Variants in CERS1 observed in about 807,000 individuals in gnomAD.
CERS1 encodes ceramide synthase 1.
A neutral mutation model predicts 35.7 loss-of-function variants in CERS1; 16 were observed. That is an observed-to-expected ratio of 0.45 (90% CI 0.30 to 0.68). The LOEUF (loss-of-function observed/expected upper bound fraction) is 0.68. Ranked by LOEUF, CERS1 falls within the 30% of genes least tolerant of loss-of-function variation. CERS1 has a pLI of 0.08. For synonymous variants in CERS1, 243 were observed against 201.6 expected, an observed-to-expected ratio of 1.21 and a Z score of -1.74; for missense variants, 454 against 453.9, an observed-to-expected ratio of 1.00 and a Z score of 0.00.
In CERS1 at chr19:18,870,168, T is replaced by C; in HGVS notation, c.*409A>G. 1 of 1,561,916 alleles carries C rather than the reference T, an allele frequency of 6.4e-7. No individual in the cohort carries two copies. ...GAGCCTGGGGGCACCCTGGGGCTCA[T>C]CGCGCAGTCCTAGAGCCTGGAGCAG... is the stretch of plus-strand genomic sequence containing the variant. On this transcript the variant is annotated 3_prime_UTR_variant, in exon 7 of 8. Coordinates refer to ENST00000623882, the MANE Select transcript of CERS1 (RefSeq NM_021267.5). The surrounding 1 kb of genome is among the most constrained non-coding windows in gnomAD (Gnocchi z 5.1).
At chr19:18,892,965 G>A (rs1055849254) in intron 2 of CERS1, among the ~76,000 whole-genome samples, 13 of 152,110 alleles carry the variant, frequency 8.5e-5, no homozygotes, top group African/African-American at 2.2e-4. Flanking sequence ...TGCCCAGGCT[G>A]GAGTGCAGTG....
intron 6 of CERS1, among the ~76,000 whole-genome samples, chr19:18,873,656 T>C (rs945388292): frequency 6.6e-6 from 1 of 151,500 alleles, no homozygotes; most frequent in Non-Finnish European, 1.5e-5. Context: ...TGGGCCAACA[T>C]TGTGAAACCT....
chr19:18,890,447 A>G (rs1019588963), intron 2 of CERS1, among the ~76,000 whole-genome samples: 1 of 152,236 alleles, frequency 6.6e-6, no homozygotes, highest in African/African-American at 2.4e-5. Context: ...ATAAATAGAC[A>G]TGGAAATAAT....
chr19:18,877,599 A>G lies in CERS1; in HGVS notation c.1010+1331T>C, dbSNP rs2056081978. Among the ~76,000 whole-genome samples, 3 of 151,986 alleles carry G rather than the reference A, an allele frequency of 2.0e-5. No homozygotes were observed. In the South Asian group the frequency reaches 6.2e-4, roughly 31 times the overall value. ...AAACCCCAGCTCTACAAAAAATACA[A>G]AAGTTAGCACAGCATGGTGGTGCAT... On this transcript the variant is annotated intron_variant, in intron 6 of 7. Transcript: ENST00000623882.
chr19:18,876,536 TTGTGTGTGTGTG>T (rs60266196), intron 6 of CERS1, among the ~76,000 whole-genome samples: 3 of 143,270 alleles, frequency 2.1e-5, no homozygotes, highest in East Asian at 2.1e-4. Context: ...TTTGATTGGG[TTGTGTGTGTGTG>T]TGTGTGTGTG....
In CERS1 at chr19:18,868,568, G is replaced by A. The variant is rs2055894744; in HGVS notation, c.*1417C>T. The A allele has an allele frequency of 2.7e-6, 4 of 1,506,840 alleles. No homozygotes were observed. Among genetic ancestry groups the A allele is most frequent in the East Asian group, 2.5e-5 (1 of 40,504 alleles). 93.3% of individuals were successfully genotyped at this position (1,506,840 alleles called of 1,614,324 possible). ...CGGAGCAGACCACGCGGCATTTATT[G>A]TTGGGCCCGCGTCCCTGCCCGCCCC... On this transcript the variant is annotated 3_prime_UTR_variant, in exon 8 of 8. Transcript: ENST00000623882.
intron 3 of CERS1, chr19:18,881,574 CATCT>C (rs1382957136): frequency 2.6e-5 from 4 of 152,198 alleles, no homozygotes; most frequent in Non-Finnish European, 4.4e-5. Flanking sequence ...ACAGAGTCTC[CATCT>C]GACAGATGAG....
Position 18,869,321 on chromosome 19 carries a change from T to G in CERS1, c.*664A>C. 6.6e-7 allele frequency: 1 copy of G among 1,524,222 alleles called. No homozygotes were observed. The highest frequency in any genetic ancestry group is 1.2e-5 in the South Asian group (1 of 83,608). 94.4% of individuals were successfully genotyped at this position (1,524,222 alleles called of 1,614,324 possible). A position where few individuals can be genotyped will look rare whatever the true frequency, so the allele number is the denominator to read the frequency against. On this transcript the variant is annotated 3_prime_UTR_variant, in exon 8 of 8. Coordinates refer to ENST00000623882, the MANE Select transcript of CERS1 (RefSeq NM_021267.5). ...CTCAGCGGGTTCCACAGCCGACAGG[T>G]CGAAGACGACTGTCCACTCAGGGCA...
At chr19:18,891,498 A>G (rs1356191332) in intron 2 of CERS1, among the ~76,000 whole-genome samples, 1 of 151,774 alleles carries the variant, frequency 6.6e-6, no homozygotes. Context: ...CGCTGCAGTC[A>G]CCTCCCTGCC....
At position 18,878,440 on chromosome 19, in the gene CERS1, G is replaced by A. The variant is rs561149924; in HGVS notation, c.1010+490C>T. On this transcript the variant is annotated intron_variant, in intron 6 of 7. Transcript: ENST00000623882. The surrounding 1 kb of genome is among the most constrained non-coding windows in gnomAD (Gnocchi z 4.6). ...TCCCAGCCCCAGCTCCTGTTTGGCC[G>A]GGCAGTGGGCTCCCCTGTCAAACTC... 2.4e-5 allele frequency: 24 copies of A among 989,444 alleles called. No homozygotes were observed. Among genetic ancestry groups the A allele is most frequent in the African/African-American group, 1.4e-4 (8 of 57,358 alleles). The allele number at this position is 989,444 out of a possible 1,614,324, so 61.3% of individuals were successfully genotyped here.
chr19:18,879,059 G>A lies in CERS1; in HGVS notation c.901-20C>T, dbSNP rs773625132. Reference sequence around the variant, plus strand: ...GATGTACTGCGAGAGGGGAGGGGAGGTGCCAGTGAGAAGAAAGCCCCCACG... The same window carrying A: ...GATGTACTGCGAGAGGGGAGGGGAGATGCCAGTGAGAAGAAAGCCCCCACG... On this transcript the variant is annotated intron_variant, in intron 5 of 7. Transcript: ENST00000623882. 7 of 1,611,496 alleles carry A rather than the reference G, an allele frequency of 4.3e-6. No homozygotes were observed. The highest frequency in any genetic ancestry group is 5.9e-6 in the Non-Finnish European group (7 of 1,179,324).
At chr19:18,880,523 T>C in intron 3 of CERS1, 88 bp from the exon 4 acceptor site, 1 of 1,337,588 alleles carries the variant, frequency 7.5e-7, no homozygotes, top group Non-Finnish European at 1.0e-6. Context: ...GTCCCTGGGC[T>C]ACACCTCAGG....
chr19:18,870,378 G>C lies in CERS1; in HGVS notation c.*199C>G. 1 of 1,523,826 alleles carries C rather than the reference G, an allele frequency of 6.6e-7. No individual in the cohort carries two copies. The highest frequency in any genetic ancestry group is 8.8e-7 in the Non-Finnish European group (1 of 1,132,768). 94.4% of individuals were successfully genotyped at this position (1,523,826 alleles called of 1,614,324 possible). On this transcript the variant is annotated 3_prime_UTR_variant, in exon 7 of 8. Transcript: ENST00000623882. The surrounding 1 kb of genome is among the most constrained non-coding windows in gnomAD (Gnocchi z 5.1). Reference sequence around the variant, plus strand: ...CCCGGGACCAGTGGGCTGAGGGCGGGGCCGGTGTCCCCGGAGGGGCAGGGG... The same window carrying C: ...CCCGGGACCAGTGGGCTGAGGGCGGCGCCGGTGTCCCCGGAGGGGCAGGGG...
chr19:18,874,328 G>C (rs1480794416), intron 6 of CERS1, among the ~76,000 whole-genome samples: 2 of 152,198 alleles, frequency 1.3e-5, no homozygotes, highest in East Asian at 3.9e-4. Context: ...TTTTGAGACA[G>C]GGTCTTGCTC....
In CERS1 at chr19:18,893,010, A is replaced by G. The variant is rs893435634; in HGVS notation, c.409+406T>C. ...CGGCTCACTGCAACCTCTGCCTCCC[A>G]GGTTCAAGCGATTCTCCTGCCTCAG... On this transcript the variant is annotated intron_variant, in intron 2 of 7. Transcript: ENST00000623882. 4.0e-4 allele frequency among the ~76,000 whole-genome samples: 59 copies of G among 148,430 alleles called. 1 individual carries two copies. The highest frequency in any genetic ancestry group is 3.4e-4 in the Non-Finnish European group (23 of 67,022).
chr19:18,869,593 G>A (rs946679234), intron 7 of CERS1, among the ~76,000 whole-genome samples: 1 of 151,192 alleles, frequency 6.6e-6, no homozygotes, highest in Non-Finnish European at 1.5e-5. Context: ...CGGCGGGGGG[G>A]GTGGGCTGCC....
rs2056598468 is a variant in CERS1 at position 18,895,319 on chromosome 19, G to A, written c.249+505C>T. 6.6e-6 allele frequency among the ~76,000 whole-genome samples: 1 copy of A among 152,208 alleles called. No individual in the cohort carries two copies. Among genetic ancestry groups the A allele is most frequent in the Admixed American group, 6.5e-5 (1 of 15,286 alleles). On this transcript the variant is annotated intron_variant, in intron 1 of 7. Coordinates refer to ENST00000623882, the MANE Select transcript of CERS1 (RefSeq NM_021267.5). This position sits in a 1 kb window ranked among gnomAD's most constrained non-coding sequence, Gnocchi z 6.4. Reference sequence around the variant, plus strand: ...AAAACGGGCAGCGGACCTCGCTCCGGGCCGGGGCGCAGCCCGCATGGCAGG... The same window carrying A: ...AAAACGGGCAGCGGACCTCGCTCCGAGCCGGGGCGCAGCCCGCATGGCAGG...
rs764610749 is a variant in CERS1, at chr19:18,879,373, G to C, written c.768C>G (p.Leu256=). 6.4e-7 allele frequency: 1 copy of C among 1,572,220 alleles called. No homozygotes were observed. The highest frequency in any genetic ancestry group is 1.2e-5 in the South Asian group (1 of 85,764). ...ACAGGACCTTGAGCGGGAACCAGTA[G>C]AGGCGGAACCAGAACCTGCGGTGGG... ...SFGFSWFWFR[L]YWFPLKVLYA... Residue 256 remains leucine (L), a synonymous_variant, in exon 5 of 8, where the codon CTC becomes CTG. Coordinates refer to ENST00000623882, the MANE Select transcript of CERS1 (RefSeq NM_021267.5).
chr19:18,870,078 C>T lies in CERS1; in HGVS notation c.*499G>A. 1 of 1,582,242 alleles carries T rather than the reference C, an allele frequency of 6.3e-7. No individual in the cohort carries two copies. The highest frequency in any genetic ancestry group is 8.6e-7 in the Non-Finnish European group (1 of 1,168,874). ...GACCCCTGGGGACGTCCGCCGCGAG[C>T]CAGACCTGGTCTCCTGGGGGTCCCG... On this transcript the variant is annotated 3_prime_UTR_variant, in exon 7 of 8. Coordinates refer to ENST00000623882, the MANE Select transcript of CERS1 (RefSeq NM_021267.5). This position sits in a 1 kb window ranked among gnomAD's most constrained non-coding sequence, Gnocchi z 5.1.
Sources: allele counts gnomAD v4.1 joint callset (sites outside exome capture counted in the v4.1 genomes callset), GRCh38; gene constraint gnomAD v4.1.1; non-coding constraint Gnocchi (gnomAD v3.1); transcripts MANE v1.5; gene names NCBI Gene and HGNC (gene_info 2026-07-23, HGNC 2026-07-21).